The following SLC44A5 variants were observed in gnomAD, a reference collection of about 807,000 sequenced individuals.
The protein encoded by SLC44A5 is solute carrier family 44 member 5, also known as choline transporter-like protein 5.
SLC44A5 carries 57 observed loss-of-function variants against 101.8 expected under a neutral mutation model. The observed-to-expected ratio is 0.56, with a 90% CI of 0.45 to 0.70. SLC44A5 has a LOEUF of 0.70. Among genes scored for constraint, SLC44A5 ranks in the 30% least tolerant of loss-of-function variants. SLC44A5 has a pLI of 0.00. For synonymous variants in SLC44A5, 281 were observed against 290.9 expected (o/e 0.97, Z 0.35); for missense variants, 737 against 853.1 (o/e 0.86, Z 1.70).
intron 4 of SLC44A5, among the ~76,000 whole-genome samples, chr1:75,303,062 G>A (rs1654620994): frequency 6.6e-6 from 1 of 152,244 alleles, no homozygotes; most frequent in East Asian, 1.9e-4. Flanking sequence ...GAGAACAACT[G>A]TATTCATAAT....
intron 3 of SLC44A5, among the ~76,000 whole-genome samples, chr1:75,371,120 C>A (rs1164062230): frequency 6.6e-6 from 1 of 152,214 alleles, no homozygotes; most frequent in East Asian, 1.9e-4. Flanking sequence ...AAACTTCATG[C>A]TCCATCTCTC....
chr1:75,308,793 G>C (rs1200161175), intron 4 of SLC44A5, among the ~76,000 whole-genome samples: 2 of 152,090 alleles, frequency 1.3e-5, no homozygotes, highest in Non-Finnish European at 2.9e-5. Flanking sequence ...AAAAATGTTT[G>C]TTAAAACAAT....
intron 13 of SLC44A5, among the ~76,000 whole-genome samples, chr1:75,226,144 T>C (rs1275023963): frequency 1.3e-5 from 2 of 152,090 alleles, no homozygotes. Context: ...AATGAAACAA[T>C]TCCATAACAT....
chr1:75,329,623 A>C (rs757991616), intron 4 of SLC44A5, among the ~76,000 whole-genome samples: 1 of 152,190 alleles, frequency 6.6e-6, no homozygotes, highest in Non-Finnish European at 1.5e-5. Context: ...ACTAGAATGA[A>C]GGAATAAACT....
At chr1:75,413,636 GT>G (rs1257650943) in intron 2 of SLC44A5, among the ~76,000 whole-genome samples, 1 of 152,076 alleles carries the variant, frequency 6.6e-6, no homozygotes, top group East Asian at 1.9e-4. Flanking sequence ...AAATTTTCAG[GT>G]TGTACAACTT....
chr1:75,339,197 T>C (rs912026999), intron 4 of SLC44A5, among the ~76,000 whole-genome samples: 1 of 152,126 alleles, frequency 6.6e-6, no homozygotes, highest in Non-Finnish European at 1.5e-5. Context: ...TTGGAAGAAG[T>C]TGGCATGGCA....
chr1:75,610,378 C>G (rs950907078), intron 1 of SLC44A5, among the ~76,000 whole-genome samples: 9 of 152,060 alleles, frequency 5.9e-5, no homozygotes, highest in South Asian at 2.1e-4. Context: ...ACTTATGTAT[C>G]TTCTCTTACT....
intron 6 of SLC44A5, among the ~76,000 whole-genome samples, chr1:75,263,402 A>G (rs1326352638): frequency 6.6e-6 from 1 of 152,236 alleles, no homozygotes; most frequent in Non-Finnish European, 1.5e-5. Flanking sequence ...ACTGGTCATT[A>G]GACAAATAAA....
rs1661259638 is a variant in SLC44A5, at chr1:75,385,542, G to A, written c.52+11041C>T. On this transcript the variant is annotated intron_variant, in intron 3 of 23. Transcript: ENST00000370859. Reference sequence around the variant, plus strand: ...GAATCTCTGAATAGACCAATAACAGGCTCTGAAATTGTGGCAATAATCAAT... The same window carrying A: ...GAATCTCTGAATAGACCAATAACAGACTCTGAAATTGTGGCAATAATCAAT... 3.9e-5 allele frequency among the ~76,000 whole-genome samples: 6 copies of A among 152,064 alleles called. No homozygotes were observed. The South Asian group carries it at 6.2e-4, about 16-fold the overall frequency.
chr1:75,248,292 T>C (rs1649285197), intron 7 of SLC44A5, among the ~76,000 whole-genome samples: 1 of 152,118 alleles, frequency 6.6e-6, no homozygotes, highest in Admixed American at 6.6e-5. Flanking sequence ...GATCAAGCCA[T>C]AGCTTTGTAT....
upstream of SLC44A5, among the ~76,000 whole-genome samples, chr1:75,612,719 T>C (rs145205853): frequency 5.4e-4 from 82 of 152,196 alleles, no homozygotes; most frequent in African/African-American, 1.9e-3. Context: ...GCTCAATAAA[T>C]ATGTGCTAAA....
chr1:75,400,467 G>A (rs2101430721), intron 2 of SLC44A5, among the ~76,000 whole-genome samples: 1 of 152,302 alleles, frequency 6.6e-6, no homozygotes, highest in East Asian at 1.9e-4. Context: ...CTAGTAGGTA[G>A]AATCTTCAGG....
At chr1:75,602,923 G>A (rs1675064582) in intron 1 of SLC44A5, among the ~76,000 whole-genome samples, 1 of 152,000 alleles carries the variant, frequency 6.6e-6, no homozygotes. Context: ...ATCTAGAGTA[G>A]TAATACATTT....
intron 2 of SLC44A5, among the ~76,000 whole-genome samples, chr1:75,536,201 C>T (rs1670988812): frequency 6.6e-6 from 1 of 152,172 alleles, no homozygotes; most frequent in Non-Finnish European, 1.5e-5. Context: ...TACTTCCTAT[C>T]TCTCAGTCTA....
chr1:75,385,414 A>G (rs1661246976), intron 3 of SLC44A5, among the ~76,000 whole-genome samples: 1 of 152,122 alleles, frequency 6.6e-6, no homozygotes, highest in African/African-American at 2.4e-5. Flanking sequence ...CTACCATCAG[A>G]GAATACTACA....
In SLC44A5 at chr1:75,606,273, T is replaced by C. The variant is rs188407287; in HGVS notation, c.-70+4767A>G. Among the ~76,000 whole-genome samples, 179 of 152,004 alleles carry C rather than the reference T, an allele frequency of 1.2e-3. 2 individuals are homozygous for C. Among genetic ancestry groups the C allele is most frequent in the Non-Finnish European group, 7.5e-4 (51 of 67,918 alleles). ...TTCTATACCTCTCTTAATACTCCAT[T>C]TAATATTTCTTAAAGATAATACATT... is the stretch of plus-strand genomic sequence containing the variant. On this transcript the variant is annotated intron_variant, in intron 1 of 23. Transcript: ENST00000370859.
intron 1 of SLC44A5, among the ~76,000 whole-genome samples, chr1:75,559,443 G>T (rs1034043321): frequency 6.6e-6 from 1 of 152,142 alleles, no homozygotes; most frequent in African/African-American, 2.4e-5. Context: ...TGGTCAGTTA[G>T]CACCAAATAT....
At chr1:75,292,275 G>T (rs1653619099) in intron 5 of SLC44A5, among the ~76,000 whole-genome samples, 1 of 151,972 alleles carries the variant, frequency 6.6e-6, no homozygotes, top group Non-Finnish European at 1.5e-5. Context: ...TCTATAATTA[G>T]CCACATCTTC....
intron 3 of SLC44A5, among the ~76,000 whole-genome samples, chr1:75,394,188 A>G (rs891256553): frequency 6.6e-6 from 1 of 152,128 alleles, no homozygotes; most frequent in Non-Finnish European, 1.5e-5. Flanking sequence ...AGAAGAGGAA[A>G]GTTTAAAAAA....
Sources: gnomAD v4.1 joint callset for allele counts (sites outside exome capture counted in the v4.1 genomes callset) on GRCh38, gnomAD v4.1.1 for gene constraint, MANE v1.5 for transcripts, NCBI Gene and HGNC (gene_info 2026-07-23, HGNC 2026-07-21) for gene names.